The following FIG4 variants were observed in gnomAD, a reference collection of about 807,000 sequenced individuals.
FIG4 encodes the protein FIG4 phosphoinositide 5-phosphatase, also known as polyphosphoinositide phosphatase.
FIG4 carries 112 observed loss-of-function variants against 118.6 expected under a neutral mutation model. The observed-to-expected ratio is 0.94, with a 90% CI of 0.81 to 1.11. The LOEUF (loss-of-function observed/expected upper bound fraction) is 1.11. Among genes scored for constraint, FIG4 ranks in the 50% least tolerant of loss-of-function variants. The pLI is 0.00. For missense variants in FIG4, 969 were observed against 1,111.7 expected (o/e 0.87, Z 1.83); for synonymous variants, 369 against 381.2 (o/e 0.97, Z 0.37).
intron 16 of FIG4, among the ~76,000 whole-genome samples, chr6:109,784,005 G>A (rs1777882022): frequency 6.6e-6 from 1 of 152,124 alleles, no homozygotes; most frequent in African/African-American, 2.4e-5. Context: ...TGTGTTGCCA[G>A]TTTCATTTGG....
At chr6:109,821,215 T>C (rs186910097) in intron 22 of FIG4, among the ~76,000 whole-genome samples, 4 of 152,196 alleles carry the variant, frequency 2.6e-5, no homozygotes, top group South Asian at 4.2e-4. Context: ...CCAGACAACA[T>C]TGAGGAAGGG....
intron 3 of FIG4, among the ~76,000 whole-genome samples, chr6:109,725,425 A>G (rs1039129264): frequency 1.3e-5 from 2 of 152,158 alleles, no homozygotes; most frequent in Non-Finnish European, 2.9e-5. Flanking sequence ...CCTGCAAAGG[A>G]CATGAACTCA....
intron 22 of FIG4, among the ~76,000 whole-genome samples, chr6:109,802,820 C>T (rs1457390377): frequency 3.3e-5 from 5 of 152,112 alleles, no homozygotes; most frequent in African/African-American, 1.2e-4. Flanking sequence ...CCATTATTTC[C>T]AGTGAATTGG....
At chr6:109,817,512 A>C (rs1001354982) in intron 22 of FIG4, among the ~76,000 whole-genome samples, 1 of 152,202 alleles carries the variant, frequency 6.6e-6, no homozygotes, top group East Asian at 1.9e-4. Context: ...TCTAAAGCCA[A>C]AAGTTATTTT....
intron 3 of FIG4, among the ~76,000 whole-genome samples, chr6:109,723,185 TG>T (rs1775663199): frequency 6.6e-6 from 1 of 152,220 alleles, no homozygotes; most frequent in African/African-American, 2.4e-5. Context: ...TAGTTATGGT[TG>T]TTTTCCTAGG....
intron 10 of FIG4, among the ~76,000 whole-genome samples, chr6:109,755,841 A>C (rs571947531): frequency 4.5e-4 from 69 of 152,260 alleles, no homozygotes; most frequent in Middle Eastern, 3.4e-3. Context: ...TCTGCACATG[A>C]GATGGGTCTC....
chr6:109,715,029 A>T (rs757642846), intron 1 of FIG4, 49 bp from the exon 2 acceptor site: 1 of 1,043,696 alleles, frequency 9.6e-7, no homozygotes, highest in Admixed American at 1.7e-5. Context: ...TAAAATGTGT[A>T]TAGGGCAAAA....
rs541659114 is a variant in FIG4 at position 109,807,617 on chromosome 6, C to T, written c.2546+10766C>T. 3.1e-3 allele frequency among the ~76,000 whole-genome samples: 473 copies of T among 152,158 alleles called. 2 individuals are homozygous for T. The highest frequency in any genetic ancestry group is 5.3e-3 in the Non-Finnish European group (358 of 67,974). ...GCAGAAGCTCTTTAGTTGAATTAGA[C>T]CCCATTTGTCTATTTTGGCTTTTGT... On this transcript the variant is annotated intron_variant, in intron 22 of 22. Coordinates refer to ENST00000230124, the MANE Select transcript of FIG4 (RefSeq NM_014845.6).
At chr6:109,774,369 A>G (rs913096690) in intron 15 of FIG4, among the ~76,000 whole-genome samples, 1 of 152,188 alleles carries the variant, frequency 6.6e-6, no homozygotes, top group Non-Finnish European at 1.5e-5. Context: ...GAGAAGCATC[A>G]TAATTTAGTT....
chr6:109,771,461 CTTTTTTTT>C (rs71018367), intron 15 of FIG4, among the ~76,000 whole-genome samples: 1 of 86,000 alleles, frequency 1.2e-5, no homozygotes, highest in African/African-American at 4.8e-5. Flanking sequence ...TCCTCTAATT[CTTTTTTTT>C]TTTTTTTTTT....
chr6:109,760,627 C>T (rs1165162609), intron 11 of FIG4, among the ~76,000 whole-genome samples: 1 of 152,056 alleles, frequency 6.6e-6, no homozygotes, highest in African/African-American at 2.4e-5. Flanking sequence ...TACAACTGTT[C>T]CTTAAAGGCA....
In FIG4 at chr6:109,750,129, A is replaced by T. The variant is rs559407608; in HGVS notation, c.1137+6357A>T. Among the ~76,000 whole-genome samples the T allele has an allele frequency of 5.3e-5, 8 of 152,340 alleles. No individual in the cohort carries two copies. The South Asian group carries it at 1.2e-3, about 24-fold the overall frequency. ...AAGTTAATAAAGCGAAATGCTTTTC[A>T]TGATTTCATTTCTCTTTTACCCTGT... On this transcript the variant is annotated intron_variant, in intron 10 of 22. Transcript: ENST00000230124.
chr6:109,753,945 T>C (rs1434530714), intron 10 of FIG4, among the ~76,000 whole-genome samples: 1 of 152,224 alleles, frequency 6.6e-6, no homozygotes, highest in Non-Finnish European at 1.5e-5. Flanking sequence ...TTCTCCTGCC[T>C]GATTGCCCTA....
chr6:109,778,789 C>CG (rs1777702775), intron 16 of FIG4, among the ~76,000 whole-genome samples: 3 of 151,930 alleles, frequency 2.0e-5, no homozygotes, highest in Non-Finnish European at 2.9e-5. Flanking sequence ...TTAGTAGAGA[C>CG]GGGGTTTCAC....
chr6:109,769,563 T>G (rs1777395103), intron 15 of FIG4, among the ~76,000 whole-genome samples: 1 of 151,958 alleles, frequency 6.6e-6, no homozygotes, highest in African/African-American at 2.4e-5. Context: ...TTTGCAAAAC[T>G]TAATCAATCT....
chr6:109,748,317 G>T (rs1369634140), intron 10 of FIG4, among the ~76,000 whole-genome samples: 1 of 152,144 alleles, frequency 6.6e-6, no homozygotes, highest in African/African-American at 2.4e-5. Context: ...GAAAAGACAG[G>T]ATGAAAGGCA....
Position 109,727,159 on chromosome 6 carries a change from A to G in FIG4, c.340A>G (p.Arg114Gly). The G allele has an allele frequency of 1.2e-6, 2 of 1,611,422 alleles. No homozygotes were observed. Among genetic ancestry groups the G allele is most frequent in the Non-Finnish European group, 1.7e-6 (2 of 1,177,584 alleles). ...TTATATTGTGTTAATAACTAAAAGG[A>G]GGAAGATGGCGGATATTGGAGGTCA... is the stretch of plus-strand genomic sequence containing the variant. ...GYYIVLITKR[R>G]KMADIGGHAI... Residue 114 changes from arginine (R) to glycine (G), a missense_variant, in exon 4 of 23, where the codon AGG becomes GGG. By Grantham distance (125) the Arg-to-Gly change is moderately radical (BLOSUM62 -2). Coordinates refer to ENST00000230124, the MANE Select transcript of FIG4 (RefSeq NM_014845.6).
At chr6:109,791,315 A>G in intron 19 of FIG4, 61 bp from the exon 20 acceptor site, 1 of 1,381,120 alleles carries the variant, frequency 7.2e-7, no homozygotes, top group Non-Finnish European at 1.0e-6. Flanking sequence ...ACAGAGTGAT[A>G]GACAGTGGGT....
chr6:109,765,735 A>T (rs1031551224), intron 14 of FIG4, among the ~76,000 whole-genome samples: 1 of 152,228 alleles, frequency 6.6e-6, no homozygotes, highest in Admixed American at 6.5e-5. Context: ...TGTATAAAAG[A>T]TTGATTTTTC....
Sources: gnomAD v4.1 joint callset for allele counts (sites outside exome capture counted in the v4.1 genomes callset) on GRCh38, gnomAD v4.1.1 for gene constraint, MANE v1.5 for transcripts, NCBI Gene and HGNC (gene_info 2026-07-23, HGNC 2026-07-21) for gene names.